The following TCF4 variants were observed in gnomAD, a reference collection of about 807,000 sequenced individuals.
The protein encoded by TCF4 is transcription factor 4.
A neutral mutation model predicts 82.1 loss-of-function variants in TCF4; 3 were observed. The observed-to-expected ratio is 0.04, with a 90% CI of 0.02 to 0.09. The LOEUF (loss-of-function observed/expected upper bound fraction) is 0.09. TCF4 is among the 10% of genes least tolerant of loss of function. The pLI is 1.00. For synonymous variants in TCF4, 276 were observed against 309.6 expected, an observed-to-expected ratio of 0.89 and a Z score of 1.14; for missense variants, 518 against 852.7, an observed-to-expected ratio of 0.61 and a Z score of 4.89.
chr18:55,247,987 CTTG>C (rs1462319782), intron 15 of TCF4, among the ~76,000 whole-genome samples: 6 of 152,144 alleles, frequency 3.9e-5, no homozygotes, highest in Non-Finnish European at 8.8e-5. Flanking sequence ...CTGATCAAGA[CTTG>C]TTGACTGCTT....
intron 2 of TCF4, among the ~76,000 whole-genome samples, chr18:55,624,337 T>G (rs2097724414): frequency 6.6e-6 from 1 of 151,994 alleles, no homozygotes. Flanking sequence ...GAGAAGGGTC[T>G]CATTATAAGG....
chr18:55,231,621 A>C (rs993305466), intron 17 of TCF4: 2 of 152,250 alleles, frequency 1.3e-5, no homozygotes, highest in Non-Finnish European at 2.9e-5. Context: ...ATTTCTTGCC[A>C]AAGTGGCCAA....
At chr18:55,257,247 A>C in intron 14 of TCF4, 68 bp downstream of exon 14, 2 of 1,498,906 alleles carry the variant, frequency 1.3e-6, no homozygotes, top group Non-Finnish European at 1.9e-6. Flanking sequence ...TTGGAGAGTA[A>C]AGGAGACTGA....
intron 3 of TCF4, among the ~76,000 whole-genome samples, chr18:55,489,495 A>G (rs1208896054): frequency 6.6e-6 from 1 of 152,162 alleles, no homozygotes; most frequent in Non-Finnish European, 1.5e-5. Context: ...CCAAACAAGA[A>G]AAGTGGACCC....
intron 3 of TCF4, among the ~76,000 whole-genome samples, chr18:55,490,613 C>CAA (rs111901375): frequency 2.9e-5 from 4 of 139,304 alleles, no homozygotes; most frequent in Admixed American, 7.1e-5. Flanking sequence ...TAGAATGGAG[C>CAA]AAAAAAAAAA....
At chr18:55,464,868 A>ATGG (rs2095975168) in intron 3 of TCF4, among the ~76,000 whole-genome samples, 1 of 152,186 alleles carries the variant, frequency 6.6e-6, no homozygotes, top group African/African-American at 2.4e-5. Context: ...AACCATCGAA[A>ATGG]AGTTGGAATT....
At chr18:55,625,007 A>C (rs2097725113) in intron 2 of TCF4, among the ~76,000 whole-genome samples, 1 of 152,142 alleles carries the variant, frequency 6.6e-6, no homozygotes, top group Non-Finnish European at 1.5e-5. Flanking sequence ...AGTACTACAG[A>C]TTGTTTCTAG....
chr18:55,413,213 C>A (rs2146742006), intron 5 of TCF4, among the ~76,000 whole-genome samples: 2 of 152,034 alleles, frequency 1.3e-5, no homozygotes, highest in Middle Eastern at 3.4e-3. Context: ...ATTTTTAACC[C>A]CAGACAGAAG....
chr18:55,309,637 G>A (rs929578795), intron 8 of TCF4, among the ~76,000 whole-genome samples: 1 of 152,168 alleles, frequency 6.6e-6, no homozygotes, highest in Non-Finnish European at 1.5e-5. Context: ...TTTTCTGTAA[G>A]CTTTATTTTA....
At chr18:55,331,700 A>G (rs545292514) in intron 8 of TCF4, among the ~76,000 whole-genome samples, 1 of 152,338 alleles carries the variant, frequency 6.6e-6, no homozygotes, top group East Asian at 1.9e-4. Context: ...TCTACTTTAG[A>G]CTGATAAAAC....
At chr18:55,233,884 C>T (rs550596800) in intron 16 of TCF4, among the ~76,000 whole-genome samples, 2 of 150,118 alleles carry the variant, frequency 1.3e-5, no homozygotes, top group East Asian at 2.0e-4. Flanking sequence ...CATACCCATA[C>T]ATATAATTGA....
intron 15 of TCF4, among the ~76,000 whole-genome samples, chr18:55,246,349 G>C (rs1375479651): frequency 2.0e-5 from 3 of 152,010 alleles, no homozygotes; most frequent in Admixed American, 2.0e-4. Context: ...AAACACCAGA[G>C]AACTAGGATT....
At chr18:55,414,710 G>A (rs2094467502) in intron 5 of TCF4, among the ~76,000 whole-genome samples, 1 of 152,166 alleles carries the variant, frequency 6.6e-6, no homozygotes, top group Non-Finnish European at 1.5e-5. Flanking sequence ...CTCTTCCTCT[G>A]TAACTGCCCT....
At chr18:55,331,233 C>T (rs1483859723) in intron 8 of TCF4, among the ~76,000 whole-genome samples, 2 of 152,090 alleles carry the variant, frequency 1.3e-5, no homozygotes, top group Non-Finnish European at 2.9e-5. Context: ...AGTGGAGTAT[C>T]TGTGGCCACT....
chr18:55,442,601 G>A (rs1223690217), intron 5 of TCF4, among the ~76,000 whole-genome samples: 1 of 152,116 alleles, frequency 6.6e-6, no homozygotes, highest in African/African-American at 2.4e-5. Flanking sequence ...ATAACACATA[G>A]GAAGTCAGGA....
intron 3 of TCF4, among the ~76,000 whole-genome samples, chr18:55,571,633 G>A (rs1272900990): frequency 2.0e-5 from 3 of 152,110 alleles, no homozygotes; most frequent in Admixed American, 1.3e-4. Context: ...AAATTTTGAA[G>A]CATGCAGTAG....
chr18:55,254,244 G>A (rs2056143339), intron 15 of TCF4, among the ~76,000 whole-genome samples: 1 of 152,324 alleles, frequency 6.6e-6, no homozygotes, highest in Middle Eastern at 3.4e-3. Flanking sequence ...GGGAATGACT[G>A]CTTAATGGGC....
chr18:55,628,700 T>A (rs2097728902), intron 2 of TCF4, among the ~76,000 whole-genome samples: 1 of 152,314 alleles, frequency 6.6e-6, no homozygotes, highest in Non-Finnish European at 1.5e-5. Flanking sequence ...AGGCCAGAAT[T>A]AACCAAAACT....
chr18:55,361,271 T>C (rs986106376), intron 6 of TCF4, among the ~76,000 whole-genome samples: 28 of 152,026 alleles, frequency 1.8e-4, no homozygotes, highest in African/African-American at 6.0e-4. Flanking sequence ...GCTCCACCCA[T>C]AGCCAATCTA....
Sources: gnomAD v4.1 joint callset for allele counts (sites outside exome capture counted in the v4.1 genomes callset) on GRCh38, gnomAD v4.1.1 for gene constraint, MANE v1.5 for transcripts, NCBI Gene and HGNC (gene_info 2026-07-23, HGNC 2026-07-21) for gene names.